The following MARCHF1 variants were observed in gnomAD, a reference collection of about 807,000 sequenced individuals.
MARCHF1 encodes the protein membrane associated ring-CH-type finger 1, also known as E3 ubiquitin-protein ligase MARCHF1.
A neutral mutation model predicts 54.2 loss-of-function variants in MARCHF1; 40 were observed. That is an observed-to-expected ratio of 0.74 (90% CI 0.57 to 0.96). MARCHF1 has a LOEUF of 0.96. Ranked by LOEUF, MARCHF1 falls within the 40% of genes least tolerant of loss-of-function variation. The pLI is 0.00. For synonymous variants in MARCHF1, 236 were observed against 236.3 expected (o/e 1.00, Z 0.01); for missense variants, 586 against 656.5 (o/e 0.89, Z 1.17).
chr4:164,259,273 T>C (rs1016889343), intron 1 of MARCHF1, among the ~76,000 whole-genome samples: 1 of 151,906 alleles, frequency 6.6e-6, no homozygotes, highest in African/African-American at 2.4e-5. Context: ...CCGGGCGTGG[T>C]GGCTCACTCC....
At chr4:164,256,432 T>TAAAAAAAAAA (rs11345775) in intron 1 of MARCHF1, among the ~76,000 whole-genome samples, 2 of 121,860 alleles carry the variant, frequency 1.6e-5, no homozygotes, top group Admixed American at 8.5e-5. Flanking sequence ...ACAAGAAGCT[T>TAAAAAAAAAA]AAAAAAAAAA....
At chr4:164,057,271 A>T (rs1473373001) in intron 2 of MARCHF1, among the ~76,000 whole-genome samples, 3 of 152,238 alleles carry the variant, frequency 2.0e-5, no homozygotes, top group Non-Finnish European at 4.4e-5. Context: ...TATTCATTTC[A>T]TAAGAATATC....
intron 2 of MARCHF1, among the ~76,000 whole-genome samples, chr4:164,013,820 A>G (rs1051799036): frequency 2.2e-4 from 33 of 152,184 alleles, no homozygotes; most frequent in African/African-American, 7.5e-4. Flanking sequence ...AGACTTTCCT[A>G]TACAAACAAA....
chr4:163,794,741 A>C (rs1199154349), intron 4 of MARCHF1, among the ~76,000 whole-genome samples: 1 of 152,212 alleles, frequency 6.6e-6, no homozygotes, highest in Non-Finnish European at 1.5e-5. Flanking sequence ...ATTATAAAAC[A>C]TCCTGGGTTT....
intron 4 of MARCHF1, among the ~76,000 whole-genome samples, chr4:163,805,370 T>TA (rs5863630): frequency 0.44 from 65,324 of 148,506 alleles, 14,581 homozygotes; most frequent in East Asian, 0.56. Context: ...TCACTGTCTC[T>TA]AAAAAAAAAA....
intron 9 of MARCHF1, among the ~76,000 whole-genome samples, chr4:163,532,384 C>T (rs1490521742): frequency 6.6e-6 from 1 of 151,630 alleles, no homozygotes. Flanking sequence ...TATCTGCATG[C>T]GAATAAATGA....
chr4:164,078,418 C>T (rs1325405724), intron 2 of MARCHF1, among the ~76,000 whole-genome samples: 1 of 152,012 alleles, frequency 6.6e-6, no homozygotes, highest in Admixed American at 6.6e-5. Context: ...AGGAGAAATA[C>T]CTAATGTAGA....
chr4:164,309,373 G>T (rs1734787073), intron 1 of MARCHF1, among the ~76,000 whole-genome samples: 1 of 152,020 alleles, frequency 6.6e-6, no homozygotes, highest in African/African-American at 2.4e-5. Context: ...AAGAGGCAAT[G>T]ATAATGATGC....
chr4:163,626,943 C>T (rs1020246369), intron 5 of MARCHF1, among the ~76,000 whole-genome samples: 23 of 151,998 alleles, frequency 1.5e-4, no homozygotes, highest in Non-Finnish European at 3.2e-4. Flanking sequence ...CCAAACCAAA[C>T]CAAACCTAGT....
At chr4:163,837,356 TA>T (rs1405446039) in intron 4 of MARCHF1, among the ~76,000 whole-genome samples, 1 of 152,162 alleles carries the variant, frequency 6.6e-6, no homozygotes, top group African/African-American at 2.4e-5. Context: ...ACACCAATAT[TA>T]AAAGTCATTA....
At position 164,293,673 on chromosome 4, in the gene MARCHF1, G is replaced by A. The variant is rs1049413619; in HGVS notation, c.-323+90197C>T. On this transcript the variant is annotated intron_variant, in intron 1 of 9. Coordinates refer to ENST00000514618, the MANE Select transcript of MARCHF1 (RefSeq NM_001394959.1). ...TTAGATTTTTTTCTGATTAAGAATCGCAATAGCTAGTATATACACTTAAAA... is the reference window on the plus strand; with the variant it reads ...TTAGATTTTTTTCTGATTAAGAATCACAATAGCTAGTATATACACTTAAAA... Among the ~76,000 whole-genome samples, 7 of 152,124 alleles carry A rather than the reference G, an allele frequency of 4.6e-5. No homozygotes were observed. In the East Asian group the frequency reaches 5.8e-4, roughly 13 times the overall value.
chr4:164,139,833 T>C (rs1756483919), intron 1 of MARCHF1, among the ~76,000 whole-genome samples: 1 of 152,176 alleles, frequency 6.6e-6, no homozygotes, highest in Non-Finnish European at 1.5e-5. Flanking sequence ...TAATACTGTT[T>C]ATATCACGAA....
chr4:164,226,018 A>G (rs1216741542), intron 1 of MARCHF1, among the ~76,000 whole-genome samples: 1 of 152,048 alleles, frequency 6.6e-6, no homozygotes, highest in Non-Finnish European at 1.5e-5. Flanking sequence ...ACAATCAACT[A>G]CTGCAGGAAG....
chr4:163,783,051 A>G (rs1747515247), intron 4 of MARCHF1, among the ~76,000 whole-genome samples: 1 of 152,234 alleles, frequency 6.6e-6, no homozygotes, highest in African/African-American at 2.4e-5. Context: ...AAGAAAGATC[A>G]GAAATATAAA....
intron 1 of MARCHF1, among the ~76,000 whole-genome samples, chr4:164,255,325 T>C (rs928858469): frequency 2.3e-5 from 3 of 131,770 alleles, no homozygotes; most frequent in African/African-American, 2.9e-5. Flanking sequence ...CCTAAAATAA[T>C]AGAAATTATA....
Position 163,613,029 on chromosome 4 carries a change from G to C in MARCHF1, c.252C>G (p.Ile84Met), listed in dbSNP as rs1392624312. 2.0e-6 allele frequency: 3 copies of C among 1,502,268 alleles called. No homozygotes were observed. The highest frequency in any genetic ancestry group is 2.8e-5 in the African/African-American group (2 of 71,348). 93.1% of individuals were successfully genotyped at this position (1,502,268 alleles called of 1,614,324 possible). A position where few individuals can be genotyped will look rare whatever the true frequency, so the allele number is the denominator to read the frequency against. ...ATGACTCTTCTGACATGTCATGCAAGATGGCAGATCTAGACAGAGCAGCAG... is the reference window on the plus strand; with the variant it reads ...ATGACTCTTCTGACATGTCATGCAACATGGCAGATCTAGACAGAGCAGCAG... Reference protein sequence around the residue: ...PSTQDICRSAILHDMSEESFE... With the variant: ...PSTQDICRSAMLHDMSEESFE... Residue 84 changes from isoleucine (I) to methionine (M), a missense_variant, in exon 7 of 10, where the codon ATC (isoleucine) becomes ATG (methionine). By Grantham distance (10) the Ile-to-Met change is conservative (BLOSUM62 1). Around this residue, in one of 3 missense-constraint regions of MARCHF1, gnomAD observed 387 missense variants for 394.6 expected, o/e 0.98. Coordinates refer to ENST00000514618, the MANE Select transcript of MARCHF1 (RefSeq NM_001394959.1).
At chr4:163,932,426 TA>T in intron 3 of MARCHF1, 1 of 381,004 alleles carries the variant, frequency 2.6e-6, no homozygotes, top group Non-Finnish European at 5.2e-6. Flanking sequence ...TAAGTTTATG[TA>T]ATATTCTAAA....
intron 1 of MARCHF1, among the ~76,000 whole-genome samples, chr4:164,270,064 T>A (rs945544989): frequency 5.9e-5 from 9 of 152,140 alleles, no homozygotes; most frequent in Non-Finnish European, 1.2e-4. Context: ...AAAAGTGAAA[T>A]CTTTATGATG....
chr4:163,862,674 A>C (rs1197159592), intron 3 of MARCHF1, among the ~76,000 whole-genome samples: 1 of 152,078 alleles, frequency 6.6e-6, no homozygotes, highest in African/African-American at 2.4e-5. Flanking sequence ...ATGAAGGTAA[A>C]CATAATCTTA....
Sources: allele counts gnomAD v4.1 joint callset (sites outside exome capture counted in the v4.1 genomes callset), GRCh38; gene constraint gnomAD v4.1.1; regional missense constraint gnomAD v4.1.1; transcripts MANE v1.5; gene names NCBI Gene and HGNC (gene_info 2026-07-23, HGNC 2026-07-21).